Variants in SLC25A12 observed in about 807,000 individuals in gnomAD.
The protein encoded by SLC25A12 is electrogenic aspartate/glutamate antiporter SLC25A12, mitochondrial.
In SLC25A12, 32 loss-of-function variants were observed where a neutral mutation model predicts 83.3. The observed-to-expected ratio is 0.38, with a 90% CI of 0.29 to 0.52. SLC25A12 has a LOEUF of 0.52. Ranked by LOEUF, SLC25A12 falls within the 20% of genes least tolerant of loss-of-function variation. The probability of loss-of-function intolerance (pLI) is 0.84; values close to 1 mark genes in which losing one functional copy is unlikely to be tolerated. For missense variants in SLC25A12, 611 were observed against 835.6 expected, an observed-to-expected ratio of 0.73 and a Z score of 3.31; for synonymous variants, 267 against 291.1, an observed-to-expected ratio of 0.92 and a Z score of 0.84.
chr2:171,879,900 C>A (rs921178994), intron 2 of SLC25A12, among the ~76,000 whole-genome samples: 1 of 152,166 alleles, frequency 6.6e-6, no homozygotes, highest in Admixed American at 6.5e-5. Context: ...ATGTATGAAT[C>A]TAGCTTGGAT....
intron 2 of SLC25A12, among the ~76,000 whole-genome samples, chr2:171,881,441 C>T (rs747609801): frequency 6.6e-6 from 1 of 151,958 alleles, no homozygotes; most frequent in East Asian, 1.9e-4. Flanking sequence ...CCATCGCGCC[C>T]GGCCAAAACC....
In SLC25A12 at chr2:171,888,511, G is replaced by T. The variant is rs547017787; in HGVS notation, c.66+4694C>A. ...GGCTGAAGTGCAGTGGCACAATCTC[G>T]GCTCACTGCAACCCCCGCTTCCCGG... is the stretch of plus-strand genomic sequence containing the variant. On this transcript the variant is annotated intron_variant, in intron 2 of 17. Transcript: ENST00000422440. Among the ~76,000 whole-genome samples, 2 of 151,826 alleles carry T rather than the reference G, an allele frequency of 1.3e-5. 1 individual carries two copies. Among genetic ancestry groups the T allele is most frequent in the East Asian group, 3.9e-4 (2 of 5,194 alleles).
intron 14 of SLC25A12, among the ~76,000 whole-genome samples, chr2:171,793,045 T>A (rs969776423): frequency 6.6e-6 from 1 of 152,016 alleles, no homozygotes; most frequent in East Asian, 1.9e-4. Flanking sequence ...TCTGTAATGA[T>A]GGGAGTAAGT....
At chr2:171,856,366 C>T (rs1685045004) in intron 3 of SLC25A12, among the ~76,000 whole-genome samples, 1 of 152,098 alleles carries the variant, frequency 6.6e-6, no homozygotes, top group Admixed American at 6.6e-5. Context: ...CAATAGCATC[C>T]CCAAGTTGTG....
chr2:171,789,935 G>A (rs1030992192), intron 15 of SLC25A12, among the ~76,000 whole-genome samples: 4 of 152,058 alleles, frequency 2.6e-5, no homozygotes, highest in Non-Finnish European at 5.9e-5. Context: ...TACCAGAAAG[G>A]GGCTGCTACA....
At chr2:171,872,456 A>G (rs1209719216) in intron 2 of SLC25A12, among the ~76,000 whole-genome samples, 1 of 152,206 alleles carries the variant, frequency 6.6e-6, no homozygotes, top group Non-Finnish European at 1.5e-5. Context: ...AGTTAAGAAT[A>G]GGCAGGAGTG....
chr2:171,876,705 T>G (rs1685583199), intron 2 of SLC25A12, among the ~76,000 whole-genome samples: 1 of 152,196 alleles, frequency 6.6e-6, no homozygotes, highest in Non-Finnish European at 1.5e-5. Context: ...ACACTTAGTA[T>G]AGCAAGCAAT....
intron 13 of SLC25A12, among the ~76,000 whole-genome samples, chr2:171,805,720 T>C (rs1010318221): frequency 3.3e-5 from 5 of 152,200 alleles, no homozygotes; most frequent in East Asian, 1.9e-4. Flanking sequence ...TCATCAACAA[T>C]AGTAGTAACG....
intron 2 of SLC25A12, among the ~76,000 whole-genome samples, chr2:171,885,131 T>A (rs1685789536): frequency 6.8e-6 from 1 of 147,158 alleles, no homozygotes; most frequent in Non-Finnish European, 1.5e-5. Context: ...GAGAATGGCG[T>A]GAACCTGGGA....
At chr2:171,821,567 G>A (rs1684193984) in intron 9 of SLC25A12, among the ~76,000 whole-genome samples, 1 of 152,058 alleles carries the variant, frequency 6.6e-6, no homozygotes, top group African/African-American at 2.4e-5. Flanking sequence ...GTTTTAATGT[G>A]TGTTTTCTTG....
chr2:171,795,180 C>T (rs915650154), intron 13 of SLC25A12, among the ~76,000 whole-genome samples: 3 of 152,274 alleles, frequency 2.0e-5, no homozygotes, highest in Non-Finnish European at 1.5e-5. Context: ...CTTTGTCCTT[C>T]GAGCAGGGAG....
At chr2:171,823,943 CAA>C (rs5836354) in intron 9 of SLC25A12, among the ~76,000 whole-genome samples, 3,058 of 142,098 alleles carry the variant, frequency 0.022, 63 homozygotes, top group Admixed American at 0.072. Flanking sequence ...CCTGTCTCCA[CAA>C]AAAAAAAAAA....
intron 4 of SLC25A12, among the ~76,000 whole-genome samples, chr2:171,850,734 T>G (rs1398891752): frequency 6.6e-6 from 1 of 152,190 alleles, no homozygotes; most frequent in African/African-American, 2.4e-5. Flanking sequence ...GTGCTGGGAT[T>G]ACAGGCGTGA....
intron 11 of SLC25A12, among the ~76,000 whole-genome samples, chr2:171,812,890 T>A (rs1683977398): frequency 6.6e-6 from 1 of 152,100 alleles, no homozygotes; most frequent in African/African-American, 2.4e-5. Context: ...GATATTTATT[T>A]CAGTTGAAAT....
intron 4 of SLC25A12, among the ~76,000 whole-genome samples, chr2:171,847,539 C>G (rs1437557776): frequency 6.6e-6 from 1 of 152,104 alleles, no homozygotes; most frequent in Non-Finnish European, 1.5e-5. Flanking sequence ...CAAGTTCCAC[C>G]CACCCCCAGA....
intron 6 of SLC25A12, 82 bp from the exon 7 acceptor site, chr2:171,834,947 G>A (rs540802900): frequency 7.0e-7 from 1 of 1,437,726 alleles, no homozygotes; most frequent in South Asian, 1.2e-5. Flanking sequence ...TCTCAAAGAG[G>A]ATCCAAAGGA....
chr2:171,796,359 T>C (rs1683597549), intron 13 of SLC25A12, among the ~76,000 whole-genome samples: 1 of 152,192 alleles, frequency 6.6e-6, no homozygotes, highest in African/African-American at 2.4e-5. Flanking sequence ...CAAAACTCAA[T>C]TGATGTGCAT....
chr2:171,809,661 A>G lies in SLC25A12; in HGVS notation c.1250T>C (p.Phe417Ser), dbSNP rs1301491721. The G allele has an allele frequency of 6.2e-7, 1 of 1,614,072 alleles. No individual in the cohort carries two copies. Among genetic ancestry groups the G allele is most frequent in the Non-Finnish European group, 8.5e-7 (1 of 1,179,942 alleles). The change falls in exon 13 of 18, where the codon TTT (phenylalanine) becomes TCT (serine). Residue 417 changes from phenylalanine (F) to serine (S), a missense_variant. Phe to Ser is a radical substitution (Grantham distance 155). Around this residue, in one of 3 missense-constraint regions of SLC25A12, gnomAD observed 540 missense variants for 777.5 expected, o/e 0.69. Transcript: ENST00000422440. ...TGGAACAGAGCCATCTCTTCTGGTA[A>G]ATTTGTCCCGAACAAAATCATTAAC... is the stretch of plus-strand genomic sequence containing the variant. ...LTVNDFVRDK[F>S]TRRDGSVPLP...
intron 4 of SLC25A12, among the ~76,000 whole-genome samples, chr2:171,851,932 G>A (rs565311595): frequency 6.6e-6 from 1 of 152,232 alleles, no homozygotes; most frequent in Admixed American, 6.5e-5. Flanking sequence ...GTACTGAACA[G>A]GATCTCCAGT....
Sources: gnomAD v4.1 joint callset for allele counts (sites outside exome capture counted in the v4.1 genomes callset) on GRCh38, gnomAD v4.1.1 for gene constraint, gnomAD v4.1.1 regional missense constraint, MANE v1.5 for transcripts, NCBI Gene and HGNC (gene_info 2026-07-23, HGNC 2026-07-21) for gene names.